AGTR1: variants seen among roughly 807,000 people sequenced by gnomAD.
The protein encoded by AGTR1 is type-1 angiotensin II receptor.
AGTR1 carries 16 observed loss-of-function variants against 19.4 expected under a neutral mutation model. The ratio of observed to expected loss-of-function variants is 0.82; its 90% CI spans 0.56 to 1.25. The LOEUF (loss-of-function observed/expected upper bound fraction) is 1.25. Ranked by LOEUF, AGTR1 falls within the 50% of genes most tolerant of loss-of-function variation. The probability of loss-of-function intolerance (pLI) is 0.00; values close to 1 mark genes in which losing one functional copy is unlikely to be tolerated. For missense variants in AGTR1, 373 were observed against 431.9 expected (o/e 0.86, Z 1.21); for synonymous variants, 153 against 154.9 (o/e 0.99, Z 0.09).
At chr3:148,717,028 A>G (rs567508172) in intron 2 of AGTR1, among the ~76,000 whole-genome samples, 1 of 152,308 alleles carries the variant, frequency 6.6e-6, no homozygotes, top group African/African-American at 2.4e-5. Context: ...GACTCTCCCA[A>G]GTGATCTAGT....
At chr3:148,703,123 G>A (rs1353517344) in intron 1 of AGTR1, among the ~76,000 whole-genome samples, 1 of 152,120 alleles carries the variant, frequency 6.6e-6, no homozygotes, top group African/African-American at 2.4e-5. Flanking sequence ...AAGAATACTG[G>A]AATCACCCAG....
At position 148,741,417 on chromosome 3, in the gene AGTR1, C is replaced by T. The variant is rs1488047568; in HGVS notation, c.382C>T (p.Leu128=). 3.7e-6 allele frequency: 6 copies of T among 1,605,256 alleles called. No individual in the cohort carries two copies. The highest frequency in any genetic ancestry group is 5.1e-6 in the Non-Finnish European group (6 of 1,178,872). ...CACGTGTCTCAGCATTGATCGATAC[C>T]TGGCTATTGTTCACCCAATGAAGTC... ...LLTCLSIDRY[L]AIVHPMKSRL... Residue 128 remains leucine (L), a synonymous_variant, in exon 3 of 3, where the codon CTG becomes TTG. Coordinates refer to ENST00000349243, the MANE Select transcript of AGTR1 (RefSeq NM_000685.5).
intron 2 of AGTR1, among the ~76,000 whole-genome samples, chr3:148,724,534 CCAGA>C (rs1328103790): frequency 6.6e-6 from 1 of 152,130 alleles, no homozygotes; most frequent in Non-Finnish European, 1.5e-5. Context: ...TGTATGTTTA[CCAGA>C]CAAAGGGTAT....
In AGTR1 at chr3:148,708,007, A is replaced by C. The variant is rs983114077; in HGVS notation, c.-68A>C. ...TTTATCTGAATAACTCACTGATGCCATCCCAGAAAGTCGGCACCAGGTAAA... is the reference window on the plus strand; with the variant it reads ...TTTATCTGAATAACTCACTGATGCCCTCCCAGAAAGTCGGCACCAGGTAAA... On this transcript the variant is annotated 5_prime_UTR_variant, in exon 2 of 3. Transcript: ENST00000349243. 2.6e-5 allele frequency: 4 copies of C among 152,312 alleles called. 1 individual carries two copies. Among genetic ancestry groups the C allele is most frequent in the Admixed American group, 2.6e-4 (4 of 15,290 alleles). 9.4% of individuals were successfully genotyped at this position (152,312 alleles called of 1,614,324 possible).
intron 2 of AGTR1, among the ~76,000 whole-genome samples, chr3:148,715,368 T>C (rs917105466): frequency 3.9e-5 from 6 of 152,158 alleles, no homozygotes; most frequent in African/African-American, 1.4e-4. Flanking sequence ...TCCTGTTAAT[T>C]TGATTTTCTA....
intron 2 of AGTR1, among the ~76,000 whole-genome samples, chr3:148,738,819 A>G (rs888894359): frequency 1.3e-5 from 2 of 152,224 alleles, no homozygotes; most frequent in African/African-American, 4.8e-5. Flanking sequence ...AAGGAGCAAC[A>G]TGTGATTTCA....
intron 2 of AGTR1, among the ~76,000 whole-genome samples, chr3:148,722,471 T>C (rs1410067426): frequency 1.3e-5 from 2 of 152,220 alleles, no homozygotes; most frequent in Non-Finnish European, 2.9e-5. Flanking sequence ...CTGAGTTTCC[T>C]CCCAGCAGCT....
intron 2 of AGTR1, among the ~76,000 whole-genome samples, chr3:148,732,048 C>G (rs1163510670): frequency 6.6e-6 from 1 of 152,190 alleles, no homozygotes; most frequent in African/African-American, 2.4e-5. Flanking sequence ...TAACTAATTG[C>G]TAAACTTTAA....
At position 148,741,341 on chromosome 3, in the gene AGTR1, G is replaced by A; in HGVS notation, c.306G>A (p.Lys102=). Residue 102 remains lysine, a synonymous_variant, in exon 3 of 3, where the codon AAG becomes AAA. Transcript: ENST00000349243. ...YRWPFGNYLC[K]IASASVSFNL... is the part of the protein sequence containing the mutation. The stretch of plus-strand genomic sequence containing the variant: ...GGCCCTTTGGCAATTACCTATGTAA[G>A]ATTGCTTCAGCCAGCGTCAGTTTCA... The A allele has an allele frequency of 6.2e-7, 1 of 1,607,582 alleles. No homozygotes were observed. The highest frequency in any genetic ancestry group is 1.7e-5 in the Admixed American group (1 of 60,016).
At chr3:148,732,729 AATTT>A (rs1714337208) in intron 2 of AGTR1, among the ~76,000 whole-genome samples, 1 of 146,086 alleles carries the variant, frequency 6.8e-6, no homozygotes, top group East Asian at 2.0e-4. Flanking sequence ...TGCTTCGGAA[AATTT>A]TTTTTTTTTT....
chr3:148,719,806 G>A (rs191473450), intron 2 of AGTR1, among the ~76,000 whole-genome samples: 273 of 152,298 alleles, frequency 1.8e-3, no homozygotes, highest in Non-Finnish European at 2.1e-3. Context: ...TGATGCTAAC[G>A]CTGCCCATCC....
At chr3:148,734,883 T>G (rs909810608) in intron 2 of AGTR1, among the ~76,000 whole-genome samples, 4 of 152,190 alleles carry the variant, frequency 2.6e-5, no homozygotes, top group African/African-American at 9.7e-5. Context: ...GCTATTAGGT[T>G]TAAGCAACTT....
chr3:148,731,268 C>T (rs995748007), intron 2 of AGTR1: 1 of 152,090 alleles, frequency 6.6e-6, no homozygotes, highest in African/African-American at 2.4e-5. Context: ...GCTGTAAATA[C>T]TCTGAGGACC....
chr3:148,731,216 G>T (rs1248587369), intron 2 of AGTR1: 1 of 152,118 alleles, frequency 6.6e-6, no homozygotes, highest in Non-Finnish European at 1.5e-5. Flanking sequence ...CCAGAAAATA[G>T]AGGGGTGTAT....
intron 2 of AGTR1, among the ~76,000 whole-genome samples, chr3:148,720,102 T>A (rs1713545621): frequency 6.6e-6 from 1 of 152,192 alleles, no homozygotes; most frequent in Non-Finnish European, 1.5e-5. Flanking sequence ...TGTGAGCATC[T>A]CTCTAACCAC....
intron 2 of AGTR1, among the ~76,000 whole-genome samples, chr3:148,714,117 T>G (rs1576527732): frequency 1.3e-5 from 2 of 152,326 alleles, no homozygotes; most frequent in East Asian, 1.9e-4. Context: ...TTGCAGCAGA[T>G]TCTATTGTGT....
In AGTR1 at chr3:148,742,347, A is replaced by G; in HGVS notation, c.*232A>G. On this transcript the variant is annotated 3_prime_UTR_variant, in exon 3 of 3. Coordinates refer to ENST00000349243, the MANE Select transcript of AGTR1 (RefSeq NM_000685.5). The stretch of plus-strand genomic sequence containing the variant: ...CATTAGACAGATGACGGCTGCTCGA[A>G]GAACAATGTCAGAAACTCGATGAAT... 1.5e-6 allele frequency: 1 copy of G among 650,134 alleles called. No homozygotes were observed. Among genetic ancestry groups the G allele is most frequent in the Non-Finnish European group, 2.8e-6 (1 of 355,564 alleles). 40.3% of individuals were successfully genotyped at this position (650,134 alleles called of 1,614,324 possible).
intron 2 of AGTR1, among the ~76,000 whole-genome samples, chr3:148,718,577 T>C (rs1374827299): frequency 6.6e-6 from 1 of 152,222 alleles, no homozygotes; most frequent in Non-Finnish European, 1.5e-5. Context: ...AAGTGTCACC[T>C]CTATTATAAC....
intron 2 of AGTR1, among the ~76,000 whole-genome samples, chr3:148,719,422 A>T (rs1327354301): frequency 6.6e-6 from 1 of 152,140 alleles, no homozygotes; most frequent in Non-Finnish European, 1.5e-5. Flanking sequence ...GATCTGTATT[A>T]TTTTTCTCTA....
Sources: allele counts gnomAD v4.1 joint callset (sites outside exome capture counted in the v4.1 genomes callset), GRCh38; gene constraint gnomAD v4.1.1; transcripts MANE v1.5; gene names NCBI Gene and HGNC (gene_info 2026-07-23, HGNC 2026-07-21).